Variants in CNOT9 observed in about 807,000 individuals in gnomAD.
CNOT9 encodes RCD1 required for cell differentiation1 homolog.
In CNOT9, 8 loss-of-function variants were observed where a neutral mutation model predicts 37.4. The ratio of observed to expected loss-of-function variants is 0.21; its 90% CI spans 0.13 to 0.39. The LOEUF is 0.39. Ranked by LOEUF, CNOT9 falls within the 10% of genes least tolerant of loss-of-function variation. The pLI is 1.00. For synonymous variants in CNOT9, 120 were observed against 137.6 expected (o/e 0.87, Z 0.90); for missense variants, 154 against 365.3 (o/e 0.42, Z 4.71).
intron 4 of CNOT9, among the ~76,000 whole-genome samples, chr2:218,586,113 G>A (rs777649522): frequency 6.6e-6 from 1 of 152,148 alleles, no homozygotes; most frequent in African/African-American, 2.4e-5. Flanking sequence ...ATTCAGTATT[G>A]TTAAGTTGTT....
intron 1 of CNOT9, among the ~76,000 whole-genome samples, chr2:218,569,717 T>A (rs1693902950): frequency 6.6e-6 from 1 of 152,226 alleles, no homozygotes; most frequent in Non-Finnish European, 1.5e-5. Flanking sequence ...TGCAACGCGC[T>A]TATTTTTCTC....
chr2:218,585,869 T>A (rs186658200), intron 4 of CNOT9, among the ~76,000 whole-genome samples: 1 of 152,204 alleles, frequency 6.6e-6, no homozygotes, highest in African/African-American at 2.4e-5. Context: ...CTCAAACTTC[T>A]GGGCTCAAGT....
intron 1 of CNOT9, among the ~76,000 whole-genome samples, chr2:218,575,387 CTTTTTTT>C (rs71064461): frequency 1.6e-4 from 20 of 127,260 alleles, no homozygotes; most frequent in African/African-American, 2.8e-4. Flanking sequence ...TTTCTTTTTT[CTTTTTTT>C]TTTTTTTTTT....
chr2:218,591,002 G>A (rs1694755329), intron 5 of CNOT9, among the ~76,000 whole-genome samples: 4 of 151,960 alleles, frequency 2.6e-5, no homozygotes, highest in South Asian at 2.1e-4. Flanking sequence ...TCTCTACATC[G>A]CTTTTAAGGA....
chr2:218,578,457 T>TA (rs1236463688), intron 1 of CNOT9, among the ~76,000 whole-genome samples: 1 of 152,248 alleles, frequency 6.6e-6, no homozygotes, highest in Non-Finnish European at 1.5e-5. Context: ...TCTTTGTCTT[T>TA]ACATCTGTAC....
Position 218,580,600 on chromosome 2 carries a change from A to T in CNOT9, c.64A>T (p.Ile22Phe). The T allele has an allele frequency of 6.2e-7, 1 of 1,613,894 alleles. No individual in the cohort carries two copies. The highest frequency in any genetic ancestry group is 8.5e-7 in the Non-Finnish European group (1 of 1,179,820). ...TTLAQVDREKIYQWINELSSP... is the reference protein window; with the variant it reads ...TTLAQVDREKFYQWINELSSP... ...ACTGGCACAAGTGGATAGAGAAAAG[A>T]TCTATCAGTGGATCAATGAGCTGTC... The change falls in exon 2 of 8, where the codon ATC becomes TTC. Residue 22 changes from isoleucine to phenylalanine, a missense_variant. By Grantham distance (21) the Ile-to-Phe change is conservative (BLOSUM62 0). Coordinates refer to ENST00000273064, the MANE Select transcript of CNOT9 (RefSeq NM_005444.3).
Position 218,594,548 on chromosome 2 carries a change from A to T in CNOT9, c.*272A>T, listed in dbSNP as rs1375002978. On this transcript the variant is annotated 3_prime_UTR_variant, in exon 8 of 8. Coordinates refer to ENST00000273064, the MANE Select transcript of CNOT9 (RefSeq NM_005444.3). ...CCCAGGAGGGTGTCAACACCAGCAAATGCTGTATTTGCAGCATGTCCAAGA... is the reference window on the plus strand; with the variant it reads ...CCCAGGAGGGTGTCAACACCAGCAATTGCTGTATTTGCAGCATGTCCAAGA... The T allele has an allele frequency of 3.3e-4, 148 of 451,656 alleles. 1 individual carries two copies. The highest frequency in any genetic ancestry group is 3.2e-5 in the Non-Finnish European group (8 of 251,832). The allele number at this position is 451,656 out of a possible 1,614,324, so 28.0% of individuals were successfully genotyped here.
At chr2:218,569,166 G>A (rs1693856997) in intron 1 of CNOT9, among the ~76,000 whole-genome samples, 188 bp downstream of exon 1, 1 of 152,194 alleles carries the variant, frequency 6.6e-6, no homozygotes, top group African/African-American at 2.4e-5. Flanking sequence ...CTTGCCGGAC[G>A]CCTCTCGCGG....
At chr2:218,580,815 A>G in intron 2 of CNOT9, 75 bp downstream of exon 2, 1 of 1,344,992 alleles carries the variant, frequency 7.4e-7, no homozygotes, top group Non-Finnish European at 1.0e-6. Context: ...TGCCCAAATG[A>G]TTTGAAGACT....
intron 5 of CNOT9, among the ~76,000 whole-genome samples, chr2:218,588,535 C>T (rs563623298): frequency 2.7e-5 from 4 of 148,184 alleles, no homozygotes; most frequent in South Asian, 4.3e-4. Context: ...GTGATCCGTC[C>T]GCCTCAGCCT....
At chr2:218,569,919 C>G (rs928468939) in intron 1 of CNOT9, among the ~76,000 whole-genome samples, 4 of 152,206 alleles carry the variant, frequency 2.6e-5, no homozygotes, top group Non-Finnish European at 5.9e-5. Flanking sequence ...CCTGACTATC[C>G]TCTTCAAATT....
intron 1 of CNOT9, among the ~76,000 whole-genome samples, chr2:218,576,980 A>AAT (rs1553564095): frequency 6.6e-6 from 1 of 151,628 alleles, no homozygotes; most frequent in Admixed American, 6.6e-5. Context: ...AAAAAAAAAA[A>AAT]AGTCATCTTT....
At chr2:218,575,327 T>C (rs886340971) in intron 1 of CNOT9, among the ~76,000 whole-genome samples, 1 of 152,112 alleles carries the variant, frequency 6.6e-6, no homozygotes, top group Non-Finnish European at 1.5e-5. Context: ...TTTCGTGTTT[T>C]TGCAGTTGTG....
At chr2:218,581,864 T>A (rs764089610) in intron 2 of CNOT9, among the ~76,000 whole-genome samples, 2 of 152,158 alleles carry the variant, frequency 1.3e-5, no homozygotes, top group African/African-American at 2.4e-5. Context: ...GGAGGATTGC[T>A]TGAGCCCAGG....
chr2:218,573,559 A>G (rs1694070273), intron 1 of CNOT9, among the ~76,000 whole-genome samples: 1 of 152,182 alleles, frequency 6.6e-6, no homozygotes, highest in Non-Finnish European at 1.5e-5. Flanking sequence ...TTACATTGAT[A>G]ATTTGGCTAT....
intron 1 of CNOT9, among the ~76,000 whole-genome samples, chr2:218,570,924 A>G (rs1238430666): frequency 6.6e-6 from 1 of 152,204 alleles, no homozygotes; most frequent in African/African-American, 2.4e-5. Context: ...AGCTCTGACA[A>G]ATTCCTTCGT....
chr2:218,569,508 C>T (rs1221887676), intron 1 of CNOT9, among the ~76,000 whole-genome samples: 3 of 152,168 alleles, frequency 2.0e-5, no homozygotes, highest in Non-Finnish European at 4.4e-5. Context: ...GTTTTACCCG[C>T]GTGATCTTTT....
At chr2:218,569,719 A>G (rs1002980092) in intron 1 of CNOT9, among the ~76,000 whole-genome samples, 4 of 152,072 alleles carry the variant, frequency 2.6e-5, no homozygotes, top group African/African-American at 7.2e-5. Flanking sequence ...CAACGCGCTT[A>G]TTTTTCTCCA....
At chr2:218,590,402 T>A (rs984590507) in intron 5 of CNOT9, among the ~76,000 whole-genome samples, 1 of 152,224 alleles carries the variant, frequency 6.6e-6, no homozygotes, top group African/African-American at 2.4e-5. Context: ...TAGGTAAAAA[T>A]TCAAGGTACA....
Sources: gnomAD v4.1 joint callset for allele counts (sites outside exome capture counted in the v4.1 genomes callset) on GRCh38, gnomAD v4.1.1 for gene constraint, MANE v1.5 for transcripts, NCBI Gene and HGNC (gene_info 2026-07-23, HGNC 2026-07-21) for gene names.